GRID1: variants seen among roughly 807,000 people sequenced by gnomAD.
GRID1 encodes glutamate ionotropic receptor delta type subunit 1, also known as glutamate receptor ionotropic, delta-1.
Under a neutral mutation model 98.0 loss-of-function variants are expected in GRID1, and 28 were observed. That is an observed-to-expected ratio of 0.29 (90% CI 0.21 to 0.39). The LOEUF is 0.39. Ranked by LOEUF, GRID1 falls within the 10% of genes least tolerant of loss-of-function variation. The pLI is 1.00. For missense variants in GRID1, 1,111 were observed against 1,340.5 expected (o/e 0.83, Z 2.67); for synonymous variants, 553 against 538.5 (o/e 1.03, Z -0.37).
At chr10:86,287,447 T>G (rs989432521) in intron 2 of GRID1, among the ~76,000 whole-genome samples, 8 of 152,188 alleles carry the variant, frequency 5.3e-5, no homozygotes, top group Non-Finnish European at 1.2e-4. Flanking sequence ...AAGTGTCTTC[T>G]GCAACAGAGA....
chr10:85,995,861 CGG>C (rs1564645545), intron 4 of GRID1, among the ~76,000 whole-genome samples: 1 of 152,168 alleles, frequency 6.6e-6, no homozygotes, highest in East Asian at 1.9e-4. Flanking sequence ...CTCTAACAAG[CGG>C]TTTATGAAGT....
chr10:85,664,964 C>T (rs921039879), intron 12 of GRID1, among the ~76,000 whole-genome samples: 1 of 152,076 alleles, frequency 6.6e-6, no homozygotes, highest in African/African-American at 2.4e-5. Flanking sequence ...GTTTCTAGTA[C>T]AGAATATATT....
chr10:85,860,166 C>T (rs36002088), intron 6 of GRID1, among the ~76,000 whole-genome samples: 8,521 of 152,198 alleles, frequency 0.056, 320 homozygotes, highest in Non-Finnish European at 0.08. Context: ...CCTTGCCTCC[C>T]TCCCTCATAT....
chr10:85,724,675 C>A lies in GRID1; in HGVS notation c.1535G>T (p.Arg512Ile), dbSNP rs1048002340. ...NGMIGELISK[R>I]ADLAISAITI... ...GATGGCAGAGATGGCCAAGTCTGCT[C>A]TCTGAAAGGCAAAGCCATCTCATTT... The change falls in exon 11 of 16, where the codon AGA becomes ATA. Residue 512 changes from arginine (R) to isoleucine (I), a missense_variant and splice_region_variant. Physicochemically the swap from Arg to Ile is moderately conservative, Grantham distance 97 (BLOSUM62 -3). Around this residue, in one of 3 missense-constraint regions of GRID1, gnomAD observed 762 missense variants for 869.1 expected, o/e 0.88. Coordinates refer to ENST00000327946, the MANE Select transcript of GRID1 (RefSeq NM_017551.3). 1.9e-6 allele frequency: 3 copies of A among 1,605,350 alleles called. No individual in the cohort carries two copies. The highest frequency in any genetic ancestry group is 1.7e-6 in the Non-Finnish European group (2 of 1,176,150).
chr10:85,783,734 T>G (rs760641081), intron 8 of GRID1, among the ~76,000 whole-genome samples: 1 of 152,066 alleles, frequency 6.6e-6, no homozygotes, highest in Non-Finnish European at 1.5e-5. Flanking sequence ...CACAGACAAA[T>G]AGGCAATCAG....
At chr10:86,237,145 G>C (rs1846552359) in intron 2 of GRID1, among the ~76,000 whole-genome samples, 1 of 152,146 alleles carries the variant, frequency 6.6e-6, no homozygotes, top group South Asian at 2.1e-4. Context: ...GGGAGGAGGT[G>C]ACATTACCTC....
intron 8 of GRID1, among the ~76,000 whole-genome samples, chr10:85,789,213 T>A (rs973551778): frequency 6.6e-6 from 1 of 152,116 alleles, no homozygotes; most frequent in African/African-American, 2.4e-5. Flanking sequence ...ATTTTCAAAT[T>A]TCAGGATTGT....
rs530669447 is a variant in GRID1 at position 85,911,030 on chromosome 10, T to A, written c.780+5156A>T. 6.6e-4 allele frequency among the ~76,000 whole-genome samples: 101 copies of A among 152,304 alleles called. 1 individual carries two copies. The South Asian group carries it at 0.02, about 31-fold the overall frequency. On this transcript the variant is annotated intron_variant, in intron 5 of 15. Coordinates refer to ENST00000327946, the MANE Select transcript of GRID1 (RefSeq NM_017551.3). ...GAAGTCACTCATCCATTTGCAGGGA[T>A]GACCCATGAGATATGAACGCAATAG... is the stretch of plus-strand genomic sequence containing the variant.
In GRID1 at chr10:85,732,298, G is replaced by T. The variant is rs1400057921; in HGVS notation, c.1234-2684C>A. Among the ~76,000 whole-genome samples, 6 of 152,172 alleles carry T rather than the reference G, an allele frequency of 3.9e-5. No individual in the cohort carries two copies. The South Asian group carries it at 8.3e-4, about 21-fold the overall frequency. On this transcript the variant is annotated intron_variant, in intron 8 of 15. Coordinates refer to ENST00000327946, the MANE Select transcript of GRID1 (RefSeq NM_017551.3). ...ACAGAGTCATAACAGAAGACATCTT[G>T]TCCTAATGATGATGTGACCATTCCA...
chr10:85,773,561 A>G (rs982482445), intron 8 of GRID1, among the ~76,000 whole-genome samples: 1 of 152,330 alleles, frequency 6.6e-6, no homozygotes, highest in African/African-American at 2.4e-5. Context: ...ACATGATTGT[A>G]TATCTAGAAA....
rs1213217113 is a variant in GRID1 at position 86,016,203 on chromosome 10, G to A, written c.727-99964C>T. Among the ~76,000 whole-genome samples the A allele has an allele frequency of 6.4e-5, 8 of 125,336 alleles. No homozygotes were observed. The East Asian group carries it at 2.0e-3, about 31-fold the overall frequency. The allele number at this position is 125,336 out of a possible 152,430, so 82.2% of individuals were successfully genotyped here. A position where few individuals can be genotyped will look rare whatever the true frequency, so the allele number is the denominator to read the frequency against. ...GCTCTGTTGCCCAGGCTGGAGTGCA[G>A]TGGCGCGATCTCAGTTCACTGCAAG... On this transcript the variant is annotated intron_variant, in intron 4 of 15. Transcript: ENST00000327946.
At chr10:86,341,201 C>T (rs1473545389) in intron 2 of GRID1, among the ~76,000 whole-genome samples, 1 of 152,146 alleles carries the variant, frequency 6.6e-6, no homozygotes, top group East Asian at 1.9e-4. Flanking sequence ...GTCCCTGATC[C>T]CCCAGGTCCA....
intron 4 of GRID1, among the ~76,000 whole-genome samples, chr10:85,948,915 T>C (rs1162009556): frequency 6.6e-6 from 1 of 152,220 alleles, no homozygotes; most frequent in Non-Finnish European, 1.5e-5. Context: ...GTTGTCTGAA[T>C]TGATGTTTTT....
intron 8 of GRID1, among the ~76,000 whole-genome samples, chr10:85,784,776 C>G (rs1045008943): frequency 6.6e-6 from 1 of 152,106 alleles, no homozygotes; most frequent in African/African-American, 2.4e-5. Flanking sequence ...GCTTTAAGGA[C>G]GAGGTGTGCA....
At chr10:86,173,719 TTC>T (rs1845529182) in intron 3 of GRID1, among the ~76,000 whole-genome samples, 1 of 126,440 alleles carries the variant, frequency 7.9e-6, no homozygotes, top group Non-Finnish European at 1.7e-5. Flanking sequence ...AAGCTATCCC[TTC>T]CCCCTCCCCC....
In GRID1 at chr10:86,206,784, C is replaced by T; in HGVS notation, c.236-136G>A. 1 of 726,004 alleles carries T rather than the reference C, an allele frequency of 1.4e-6. No individual in the cohort carries two copies. The highest frequency in any genetic ancestry group is 2.2e-6 in the Non-Finnish European group (1 of 448,018). The allele number at this position is 726,004 out of a possible 1,614,324, so 45.0% of individuals were successfully genotyped here. A position where few individuals can be genotyped will look rare whatever the true frequency, so the allele number is the denominator to read the frequency against. On this transcript the variant is annotated intron_variant, in intron 2 of 15. Coordinates refer to ENST00000327946, the MANE Select transcript of GRID1 (RefSeq NM_017551.3). The surrounding 1 kb of genome is among the most constrained non-coding windows in gnomAD (Gnocchi z 4.1). ...GCTGCCTCCCTCCAGGACCAAGAAC[C>T]ATCCTGGGCAGGCCAGTGGCTCTCA... is the stretch of plus-strand genomic sequence containing the variant.
chr10:85,845,098 A>C (rs1043792664), intron 8 of GRID1, among the ~76,000 whole-genome samples: 6 of 151,926 alleles, frequency 3.9e-5, no homozygotes, highest in African/African-American at 1.4e-4. Context: ...TAATGCAACA[A>C]GACAGGAGAA....
chr10:85,671,956 G>C (rs1841090581), intron 12 of GRID1, among the ~76,000 whole-genome samples: 1 of 152,192 alleles, frequency 6.6e-6, no homozygotes, highest in Non-Finnish European at 1.5e-5. Flanking sequence ...GGCTGAGAGA[G>C]GTGAGGAAAC....
intron 8 of GRID1, among the ~76,000 whole-genome samples, chr10:85,820,906 T>G (rs1246086601): frequency 6.6e-6 from 1 of 152,158 alleles, no homozygotes; most frequent in East Asian, 1.9e-4. Flanking sequence ...CATTCTGCCT[T>G]TTTGATATTC....
Sources: allele counts gnomAD v4.1 joint callset (sites outside exome capture counted in the v4.1 genomes callset), GRCh38; gene constraint gnomAD v4.1.1; regional missense constraint gnomAD v4.1.1; non-coding constraint Gnocchi (gnomAD v3.1); transcripts MANE v1.5; gene names NCBI Gene and HGNC (gene_info 2026-07-23, HGNC 2026-07-21).